The following TNN variants were observed in gnomAD, a reference collection of about 807,000 sequenced individuals.
The protein encoded by TNN is tenascin N, also known as tenascin-N.
A neutral mutation model predicts 134.4 loss-of-function variants in TNN; 122 were observed. The observed-to-expected ratio is 0.91, with a 90% confidence interval of 0.78 to 1.06. The LOEUF is 1.06. Ranked by LOEUF, TNN falls within the 50% of genes least tolerant of loss-of-function variation. The pLI is 0.00. For synonymous variants in TNN, 710 were observed against 670.3 expected, an observed-to-expected ratio of 1.06 and a Z score of -0.91; for missense variants, 1,739 against 1,699.4, an observed-to-expected ratio of 1.02 and a Z score of -0.41.
intron 17 of TNN, among the ~76,000 whole-genome samples, chr1:175,139,640 A>G (rs972641492): frequency 2.6e-5 from 4 of 152,132 alleles, no homozygotes; most frequent in African/African-American, 9.7e-5. Context: ...GTACTCATAC[A>G]CTCTAAAATA....
At chr1:175,112,667 G>GAAT (rs1675063898) in intron 9 of TNN, among the ~76,000 whole-genome samples, 2 of 121,228 alleles carry the variant, frequency 1.6e-5, no homozygotes, top group African/African-American at 3.2e-5. Flanking sequence ...GTCCAGGCTG[G>GAAT]AATGCAGTGG....
rs1388311891 is a variant in TNN, at chr1:175,083,922, A to C, written c.1221A>C (p.Arg407=). The C allele has an allele frequency of 1.9e-6, 3 of 1,613,820 alleles. No individual in the cohort carries two copies. The African/African-American group carries it at 4.0e-5, about 22-fold the overall frequency. ...TVPKSSDPKS[R]YDITGLHPGT... ...CCAAGAGCAGTGACCCCAAGAGCCG[A>C]TATGACATCACTGGTAAGAGCCATC... The change falls in exon 5 of 19, where the codon CGA becomes CGC. Residue 407 remains arginine, a synonymous_variant. Coordinates refer to ENST00000239462, the MANE Select transcript of TNN (RefSeq NM_022093.2).
chr1:175,141,712 G>T (rs901222885), intron 17 of TNN, among the ~76,000 whole-genome samples: 5 of 152,162 alleles, frequency 3.3e-5, no homozygotes, highest in Admixed American at 2.0e-4. Flanking sequence ...GAATCCTAGA[G>T]GGGGAGAGTG....
chr1:175,108,383 C>T (rs1323308333), intron 9 of TNN, among the ~76,000 whole-genome samples: 1 of 152,230 alleles, frequency 6.6e-6, no homozygotes, highest in African/African-American at 2.4e-5. Flanking sequence ...ACCAGGAGCC[C>T]AGCTGGCTTC....
intron 6 of TNN, among the ~76,000 whole-genome samples, chr1:175,091,658 A>G (rs10912882): frequency 0.55 from 82,789 of 150,972 alleles, 23,226 homozygotes; most frequent in African/African-American, 0.69. Flanking sequence ...GCATGATCTC[A>G]GCTTACTGCA....
At chr1:175,087,586 T>C (rs928411690) in intron 6 of TNN, among the ~76,000 whole-genome samples, 1 of 152,250 alleles carries the variant, frequency 6.6e-6, no homozygotes, top group African/African-American at 2.4e-5. Flanking sequence ...ACACTTTTTC[T>C]TCTCTTACAC....
At chr1:175,069,710 T>C (rs1235349056) in intron 1 of TNN, among the ~76,000 whole-genome samples, 1 of 152,306 alleles carries the variant, frequency 6.6e-6, no homozygotes, top group East Asian at 1.9e-4. Flanking sequence ...GTTGCTAAGA[T>C]CTCAGGCCTG....
Position 175,118,723 on chromosome 1 carries a change from C to T in TNN, c.2549C>T (p.Thr850Ile). Reference sequence around the variant, plus strand: ...CCAGTGGGGAAGGAGCAGAGCAGCACTGTCCTGACGGGCCTGAGGCCGGGC... The same window carrying T: ...CCAGTGGGGAAGGAGCAGAGCAGCATTGTCCTGACGGGCCTGAGGCCGGGC... ...EVPVGKEQSS[T>I]VLTGLRPGME... Residue 850 changes from threonine (T) to isoleucine (I), a missense_variant, in exon 11 of 19, where the codon ACT becomes ATT. Physicochemically the swap from Thr to Ile is moderately conservative, Grantham distance 89 (BLOSUM62 -1). Coordinates refer to ENST00000239462, the MANE Select transcript of TNN (RefSeq NM_022093.2). 1 of 1,614,258 alleles carries T rather than the reference C, an allele frequency of 6.2e-7. No homozygotes were observed. The highest frequency in any genetic ancestry group is 8.5e-7 in the Non-Finnish European group (1 of 1,180,052).
At chr1:175,075,598 C>T (rs868041301) in intron 1 of TNN, among the ~76,000 whole-genome samples, 22 of 152,154 alleles carry the variant, frequency 1.4e-4, no homozygotes, top group Non-Finnish European at 1.8e-4. Context: ...GCCCGGCCAG[C>T]ATTATTCTTT....
chr1:175,130,610 CAGA>C (rs35890476), intron 15 of TNN, among the ~76,000 whole-genome samples: 29,062 of 152,106 alleles, frequency 0.19, 3,624 homozygotes, highest in East Asian at 0.43. Flanking sequence ...AGCTCCCACA[CAGA>C]AGGAGTTATC....
At chr1:175,072,228 C>T (rs1009912811) in intron 1 of TNN, among the ~76,000 whole-genome samples, 9 of 152,284 alleles carry the variant, frequency 5.9e-5, no homozygotes, top group African/African-American at 1.9e-4. Flanking sequence ...GTTCCTGAGT[C>T]TAATGTATCC....
chr1:175,068,105 C>T (rs1673837085), intron 1 of TNN, among the ~76,000 whole-genome samples, 170 bp downstream of exon 1: 1 of 152,184 alleles, frequency 6.6e-6, no homozygotes. Context: ...TGGGAAGTAC[C>T]TCTCAGGACC....
At chr1:175,118,956 A>T (rs934323993) in intron 11 of TNN, 132 bp downstream of exon 11, 1 of 1,269,454 alleles carries the variant, frequency 7.9e-7, no homozygotes, top group African/African-American at 1.5e-5. Flanking sequence ...AGTTTGCTGT[A>T]AAAACAAAAC....
At chr1:175,089,919 T>C (rs979567339) in intron 6 of TNN, among the ~76,000 whole-genome samples, 2 of 152,334 alleles carry the variant, frequency 1.3e-5, no homozygotes, top group South Asian at 4.1e-4. Flanking sequence ...TGGAAACTCC[T>C]TCATGTCCTA....
Position 175,127,011 on chromosome 1 carries a change from T to C in TNN, c.2971T>C (p.Leu991=). 1 of 1,614,194 alleles carries C rather than the reference T, an allele frequency of 6.2e-7. No individual in the cohort carries two copies. Among genetic ancestry groups the C allele is most frequent in the Non-Finnish European group, 8.5e-7 (1 of 1,180,016 alleles). Residue 991 remains leucine, a synonymous_variant, in exon 13 of 19, where the codon TTG becomes CTG. Coordinates refer to ENST00000239462, the MANE Select transcript of TNN (RefSeq NM_022093.2). ...TGCTGTAACGCAGTCTGGTGGCATA[T>C]TGACCTGGACGCCCCCCTCTGCTCA... is the stretch of plus-strand genomic sequence containing the variant. ...PSAVTQSGGI[L]TWTPPSAQIH...
At chr1:175,088,604 G>A (rs940641542) in intron 6 of TNN, among the ~76,000 whole-genome samples, 2 of 152,222 alleles carry the variant, frequency 1.3e-5, no homozygotes, top group Non-Finnish European at 1.5e-5. Context: ...CCCAGGGAAA[G>A]CCTTCCTGTA....
chr1:175,073,646 A>G (rs1210848755), intron 1 of TNN, among the ~76,000 whole-genome samples: 2 of 152,080 alleles, frequency 1.3e-5, no homozygotes, highest in Non-Finnish European at 2.9e-5. Context: ...TCTCCTTAAC[A>G]TGCATGGCTG....
intron 9 of TNN, among the ~76,000 whole-genome samples, chr1:175,106,029 G>T (rs376985531): frequency 2.1e-5 from 3 of 145,722 alleles, no homozygotes; most frequent in Non-Finnish European, 4.6e-5. Context: ...CCACATGGAG[G>T]ACCGAGGAAG....
chr1:175,086,964 A>C (rs1674335175), intron 6 of TNN, among the ~76,000 whole-genome samples: 1 of 152,194 alleles, frequency 6.6e-6, no homozygotes, highest in South Asian at 2.1e-4. Flanking sequence ...CCAATGAAGT[A>C]GATACTATTA....
Sources: allele counts gnomAD v4.1 joint callset (sites outside exome capture counted in the v4.1 genomes callset), GRCh38; gene constraint gnomAD v4.1.1; transcripts MANE v1.5; gene names NCBI Gene and HGNC (gene_info 2026-07-23, HGNC 2026-07-21).